Variants in SNX27 observed in about 807,000 individuals in gnomAD.
SNX27 encodes the protein sorting nexin 27.
In SNX27, 22 loss-of-function variants were observed where a neutral mutation model predicts 71.6. That is an observed-to-expected ratio of 0.31 (90% CI 0.22 to 0.44). The LOEUF is 0.44. Ranked by LOEUF, SNX27 falls within the 20% of genes least tolerant of loss-of-function variation. The probability of loss-of-function intolerance (pLI) is 1.00; values close to 1 mark genes in which losing one functional copy is unlikely to be tolerated. For synonymous variants in SNX27, 269 were observed against 277.2 expected (o/e 0.97, Z 0.29); for missense variants, 531 against 698.6 (o/e 0.76, Z 2.70).
intron 2 of SNX27, among the ~76,000 whole-genome samples, chr1:151,654,131 G>T (rs976742718): frequency 6.6e-6 from 1 of 152,012 alleles, no homozygotes; most frequent in African/African-American, 2.4e-5. Context: ...GTGCCCGGCC[G>T]ACCCTGGAGG....
At chr1:151,681,235 CTTTTTTTTTTTTTTT>C (rs762924986) in intron 7 of SNX27, among the ~76,000 whole-genome samples, 1 of 60,700 alleles carries the variant, frequency 1.6e-5, no homozygotes, top group African/African-American at 6.4e-5. Flanking sequence ...GTCTCTCAAT[CTTTTTTTTTTTTTTT>C]TTTTTTTTTG....
chr1:151,672,827 G>A (rs990051279), intron 7 of SNX27, among the ~76,000 whole-genome samples: 2 of 150,652 alleles, frequency 1.3e-5, no homozygotes, highest in Admixed American at 1.3e-4. Flanking sequence ...CTTCAGTGTT[G>A]TAATATCTCC....
intron 8 of SNX27, among the ~76,000 whole-genome samples, chr1:151,689,125 C>A (rs991460392): frequency 8.5e-5 from 13 of 152,128 alleles, no homozygotes; most frequent in African/African-American, 3.1e-4. Flanking sequence ...ACGGACAGGG[C>A]ATGTATTATG....
intron 6 of SNX27, among the ~76,000 whole-genome samples, chr1:151,667,563 C>G (rs183112749): frequency 1.3e-5 from 2 of 149,568 alleles, no homozygotes; most frequent in African/African-American, 4.9e-5. Flanking sequence ...CGGTGGCTCA[C>G]GCCTGTAATC....
At chr1:151,614,889 G>A (rs1394300565) in intron 1 of SNX27, among the ~76,000 whole-genome samples, 3 of 152,164 alleles carry the variant, frequency 2.0e-5, no homozygotes, top group Admixed American at 1.3e-4. Context: ...ATCTATCTTT[G>A]CAGATACACG....
chr1:151,662,077 A>G lies in SNX27; in HGVS notation c.802-89A>G, dbSNP rs544466742. 1.2e-5 allele frequency: 10 copies of G among 805,914 alleles called. No homozygotes were observed. In the African/African-American group the frequency reaches 1.6e-4, roughly 13 times the overall value. 49.9% of individuals were successfully genotyped at this position (805,914 alleles called of 1,614,324 possible). Reference sequence around the variant, plus strand: ...CATTGGAACTCACTTCTTCTCTACCACGTTTTAGGTTATTGTCTAGCTAGC... The same window carrying G: ...CATTGGAACTCACTTCTTCTCTACCGCGTTTTAGGTTATTGTCTAGCTAGC... On this transcript the variant is annotated intron_variant, in intron 4 of 11. Coordinates refer to ENST00000458013, the MANE Select transcript of SNX27 (RefSeq NM_001330723.2).
Position 151,651,243 on chromosome 1 carries a change from C to T in SNX27, c.544-6992C>T, listed in dbSNP as rs1246827397. Reference sequence around the variant, plus strand: ...GCCGGGCGGGGGGCTGACCCCCCGACCTCCCTCCCAGACGGGGCGGCTGGC... The same window carrying T: ...GCCGGGCGGGGGGCTGACCCCCCGATCTCCCTCCCAGACGGGGCGGCTGGC... On this transcript the variant is annotated intron_variant, in intron 2 of 11. Transcript: ENST00000458013. 4.7e-5 allele frequency among the ~76,000 whole-genome samples: 7 copies of T among 150,094 alleles called. No homozygotes were observed. The East Asian group carries it at 1.4e-3, about 30-fold the overall frequency.
At chr1:151,686,104 A>G (rs1002002953) in intron 8 of SNX27, among the ~76,000 whole-genome samples, 3 of 152,214 alleles carry the variant, frequency 2.0e-5, no homozygotes, top group Admixed American at 6.5e-5. Context: ...GCCTTTGCTA[A>G]AGCCAACAGA....
intron 1 of SNX27, chr1:151,614,568 C>T (rs1246390939): frequency 3.3e-5 from 5 of 152,040 alleles, no homozygotes; most frequent in Admixed American, 6.6e-5. Context: ...GTGATCCGCC[C>T]GCCTCGGCCT....
At chr1:151,680,586 T>G (rs1331985817) in intron 7 of SNX27, 1 of 152,170 alleles carries the variant, frequency 6.6e-6, no homozygotes, top group Non-Finnish European at 1.5e-5. Context: ...TCATCAAATA[T>G]TAGTACTGTT....
intron 7 of SNX27, among the ~76,000 whole-genome samples, chr1:151,670,211 C>T (rs999024421): frequency 6.6e-6 from 1 of 152,192 alleles, no homozygotes; most frequent in African/African-American, 2.4e-5. Flanking sequence ...CATGTTGTTG[C>T]AAATGACTGA....
intron 11 of SNX27, 85 bp from the exon 12 acceptor site, chr1:151,694,285 T>C (rs1671600055): frequency 6.5e-7 from 1 of 1,537,070 alleles, no homozygotes; most frequent in Middle Eastern, 1.7e-4. Context: ...CATCCAGGCA[T>C]ACCTTTTTAG....
intron 1 of SNX27, among the ~76,000 whole-genome samples, chr1:151,634,162 T>C (rs909213280): frequency 2.6e-5 from 4 of 152,232 alleles, no homozygotes; most frequent in South Asian, 2.1e-4. Context: ...GCCATTCTTA[T>C]AGACATGTAG....
At chr1:151,631,969 T>C (rs1242169026) in intron 1 of SNX27, among the ~76,000 whole-genome samples, 1 of 152,152 alleles carries the variant, frequency 6.6e-6, no homozygotes, top group Non-Finnish European at 1.5e-5. Flanking sequence ...GCCACTGTGC[T>C]TGACCCTTAA....
intron 8 of SNX27, among the ~76,000 whole-genome samples, chr1:151,689,151 G>A (rs1485531325): frequency 1.3e-5 from 2 of 152,138 alleles, no homozygotes; most frequent in Non-Finnish European, 2.9e-5. Flanking sequence ...GACTGGTCTA[G>A]GCACTTTATA....
chr1:151,654,090 C>G (rs1295868934), intron 2 of SNX27, among the ~76,000 whole-genome samples: 4 of 152,184 alleles, frequency 2.6e-5, no homozygotes, highest in Admixed American at 2.6e-4. Context: ...CTTGGACTCC[C>G]AAAGTGCTGG....
chr1:151,627,929 A>G (rs1354705707), intron 1 of SNX27, among the ~76,000 whole-genome samples: 1 of 151,748 alleles, frequency 6.6e-6, no homozygotes, highest in Admixed American at 6.6e-5. Context: ...GGAATAATAC[A>G]TATATAGTAG....
In SNX27 at chr1:151,692,480, T is replaced by G; in HGVS notation, c.1285T>G (p.Phe429Val). The change falls in exon 9 of 12, where the codon TTT (phenylalanine) becomes GTT (valine). Residue 429 changes from phenylalanine to valine, a missense_variant. Phe to Val is a conservative substitution (Grantham distance 50). This residue lies in a region of SNX27 where 157 missense variants were observed against 178.4 expected (regional missense o/e 0.88). Transcript: ENST00000458013. ...RTCEGYNEII[F>V]PHCACDSRRK... is the part of the protein sequence containing the mutation. ...TTGTGAGGGCTACAATGAAATCATC[T>G]TTCCCCACTGTGCCTGTGACTCCAG... 6.6e-7 allele frequency: 1 copy of G among 1,525,972 alleles called. No homozygotes were observed. The highest frequency in any genetic ancestry group is 8.9e-7 in the Non-Finnish European group (1 of 1,121,358). 94.5% of individuals were successfully genotyped at this position (1,525,972 alleles called of 1,614,324 possible).
intron 1 of SNX27, among the ~76,000 whole-genome samples, chr1:151,636,668 A>T (rs1303924939): frequency 8.1e-5 from 1 of 12,290 alleles, no homozygotes; most frequent in Non-Finnish European, 2.8e-3. Context: ...CACTTTTGTA[A>T]AAAAAAAAAA....
Sources: gnomAD v4.1 joint callset for allele counts (sites outside exome capture counted in the v4.1 genomes callset) on GRCh38, gnomAD v4.1.1 for gene constraint, gnomAD v4.1.1 regional missense constraint, MANE v1.5 for transcripts, NCBI Gene and HGNC (gene_info 2026-07-23, HGNC 2026-07-21) for gene names.